The following GRIN2A variants were observed in gnomAD, a reference collection of about 807,000 sequenced individuals.
GRIN2A encodes the protein glutamate receptor ionotropic, NMDA 2A.
A neutral mutation model predicts 113.4 loss-of-function variants in GRIN2A; 22 were observed. That is an observed-to-expected ratio of 0.19 (90% CI 0.14 to 0.28). GRIN2A has a LOEUF of 0.28. Among genes scored for constraint, GRIN2A ranks in the 10% least tolerant of loss-of-function variants. GRIN2A has a pLI of 1.00. For missense variants in GRIN2A, 1,502 were observed against 1,887.0 expected (o/e 0.80, Z 3.78); for synonymous variants, 827 against 738.4 (o/e 1.12, Z -1.94).
intron 2 of GRIN2A, among the ~76,000 whole-genome samples, chr16:9,978,438 G>C (rs2045819235): frequency 6.6e-6 from 1 of 152,102 alleles, no homozygotes; most frequent in African/African-American, 2.4e-5. Context: ...AAGGTGGTTA[G>C]TACTTTGTCT....
intron 3 of GRIN2A, among the ~76,000 whole-genome samples, chr16:9,895,302 C>G (rs998994394): frequency 1.3e-5 from 2 of 152,174 alleles, no homozygotes; most frequent in African/African-American, 4.8e-5. Flanking sequence ...AGTTGAGCAG[C>G]TCTTGCTCAT....
chr16:10,136,803 T>C (rs893368420), intron 2 of GRIN2A, among the ~76,000 whole-genome samples: 1 of 152,222 alleles, frequency 6.6e-6, no homozygotes, highest in Non-Finnish European at 1.5e-5. Context: ...ATACAATGTT[T>C]CGTTTTATCA....
rs543770862 is a variant in GRIN2A, at chr16:10,164,776, CA to C, written c.414+15221del. ...ATTTACACAATGAGAAATATCAAAG[CA>C]GTTAAAATATGCAATACCTAGGGAA... On this transcript the variant is annotated intron_variant, in intron 2 of 12. Transcript: ENST00000330684. Among the ~76,000 whole-genome samples the C allele has an allele frequency of 1.1e-4, 17 of 152,250 alleles. No individual in the cohort carries two copies. In the East Asian group the frequency reaches 3.1e-3, roughly 28 times the overall value.
chr16:10,011,039 G>C (rs1376589761), intron 2 of GRIN2A, among the ~76,000 whole-genome samples: 1 of 152,118 alleles, frequency 6.6e-6, no homozygotes, highest in Non-Finnish European at 1.5e-5. Context: ...AAAGTTCCCA[G>C]CCACCAATGC....
chr16:10,147,359 A>C (rs1023031998), intron 2 of GRIN2A, among the ~76,000 whole-genome samples: 3 of 150,790 alleles, frequency 2.0e-5, no homozygotes, highest in Non-Finnish European at 2.9e-5. Context: ...CTGTAATCCC[A>C]GCACTTTGGG....
At chr16:9,860,460 A>AAAAG (rs139731748) in intron 4 of GRIN2A, among the ~76,000 whole-genome samples, 25,658 of 142,886 alleles carry the variant, frequency 0.18, 3,290 homozygotes, top group Non-Finnish European at 0.27. Context: ...AAAAAAAAAA[A>AAAAG]AAAAAAAAAA....
At chr16:9,907,752 C>A (rs117799129) in intron 3 of GRIN2A, among the ~76,000 whole-genome samples, 2,386 of 152,298 alleles carry the variant, frequency 0.016, 34 homozygotes, top group Non-Finnish European at 0.027. Context: ...AGAGAGTCCA[C>A]CTTTTCCCAA....
chr16:10,009,249 A>G (rs1344183794), intron 2 of GRIN2A, among the ~76,000 whole-genome samples: 1 of 152,248 alleles, frequency 6.6e-6, no homozygotes, highest in African/African-American at 2.4e-5. Flanking sequence ...CTAGACACAT[A>G]CAGATGCTGA....
Position 9,762,763 on chromosome 16 carries a change from T to C in GRIN2A, c.*386A>G, listed in dbSNP as rs1241746840. ...TGTATTAGAGAAACCATTAGGCATT[T>C]CTGATGAGAAAATTACATGGTGGGC... On this transcript the variant is annotated 3_prime_UTR_variant, in exon 13 of 13. Transcript: ENST00000330684. The C allele has an allele frequency of 5.1e-6, 2 of 393,060 alleles. No individual in the cohort carries two copies. Among genetic ancestry groups the C allele is most frequent in the Admixed American group, 8.3e-5 (2 of 23,986 alleles). The allele number at this position is 393,060 out of a possible 1,614,324, so 24.3% of individuals were successfully genotyped here. A position where few individuals can be genotyped will look rare whatever the true frequency, so the allele number is the denominator to read the frequency against.
chr16:10,109,772 C>T (rs1004474708), intron 2 of GRIN2A, among the ~76,000 whole-genome samples: 6 of 151,970 alleles, frequency 3.9e-5, no homozygotes, highest in African/African-American at 1.2e-4. Flanking sequence ...AGGATAAATG[C>T]TCAAGGGGAT....
chr16:9,838,255 A>G lies in GRIN2A; in HGVS notation c.1651+2392T>C, dbSNP rs1485282968. Among the ~76,000 whole-genome samples, 11 of 152,180 alleles carry G rather than the reference A, an allele frequency of 7.2e-5. 1 individual carries two copies. In the South Asian group the frequency reaches 1.2e-3, roughly 17 times the overall value. On this transcript the variant is annotated intron_variant, in intron 7 of 12. Coordinates refer to ENST00000330684, the MANE Select transcript of GRIN2A (RefSeq NM_001134407.3). ...CAGGGGGGAGATTTCTCAAACAACT[A>G]AAAGTAGATCTACCATTTGATCCAG...
rs1900796933 is a variant in GRIN2A at position 9,764,646 on chromosome 16, A to C, written c.2898T>G (p.Phe966Leu). ...FGDNMNELQTFVANRQKDNLN... is the reference protein window; with the variant it reads ...FGDNMNELQTLVANRQKDNLN... ...GGTTATCCTTCTGCCGGTTGGCCAC[A>C]AATGTTTGGAGTTCGTTCATGTTGT... Residue 966 changes from phenylalanine to leucine, a missense_variant, in exon 13 of 13, where the codon TTT becomes TTG. Physicochemically the swap from Phe to Leu is conservative, Grantham distance 22. This residue lies in a region of GRIN2A where 832 missense variants were observed against 789.7 expected (regional missense o/e 1.05). Transcript: ENST00000330684. 2 of 1,614,208 alleles carry C rather than the reference A, an allele frequency of 1.2e-6. No individual in the cohort carries two copies. The highest frequency in any genetic ancestry group is 4.5e-5 in the East Asian group (2 of 44,888).
At chr16:9,951,528 G>A (rs1452247013) in intron 2 of GRIN2A, among the ~76,000 whole-genome samples, 1 of 152,178 alleles carries the variant, frequency 6.6e-6, no homozygotes, top group Non-Finnish European at 1.5e-5. Context: ...ACTAAGCTGG[G>A]CAGCCTGTCC....
intron 2 of GRIN2A, among the ~76,000 whole-genome samples, chr16:10,125,760 G>C (rs2048921067): frequency 6.6e-6 from 1 of 152,102 alleles, no homozygotes; most frequent in Admixed American, 6.6e-5. Flanking sequence ...GTGGATGGAG[G>C]GTAGCTTCTT....
intron 2 of GRIN2A, among the ~76,000 whole-genome samples, chr16:9,939,863 A>C (rs2141638110): frequency 6.6e-6 from 1 of 152,302 alleles, no homozygotes; most frequent in South Asian, 2.1e-4. Flanking sequence ...AGAGCAAAAC[A>C]GGATTTGAGA....
intron 2 of GRIN2A, among the ~76,000 whole-genome samples, chr16:10,075,540 T>C (rs753315895): frequency 6.6e-6 from 1 of 152,122 alleles, no homozygotes; most frequent in Non-Finnish European, 1.5e-5. Flanking sequence ...TGCACAACAA[T>C]GTGAATGTAC....
chr16:9,851,227 C>T (rs562973890), intron 4 of GRIN2A, among the ~76,000 whole-genome samples: 1 of 152,136 alleles, frequency 6.6e-6, no homozygotes, highest in African/African-American at 2.4e-5. Flanking sequence ...TTTTTGCTGG[C>T]TATAAAGAAA....
At chr16:10,137,814 C>T (rs570219285) in intron 2 of GRIN2A, among the ~76,000 whole-genome samples, 1 of 152,270 alleles carries the variant, frequency 6.6e-6, no homozygotes, top group African/African-American at 2.4e-5. Flanking sequence ...AATGCAAGCC[C>T]GCATTATGAG....
At chr16:10,056,427 T>C (rs1688760840) in intron 2 of GRIN2A, among the ~76,000 whole-genome samples, 1 of 152,068 alleles carries the variant, frequency 6.6e-6, no homozygotes, top group Non-Finnish European at 1.5e-5. Flanking sequence ...CCCTTCCCAT[T>C]CTACACCTAC....
Sources: gnomAD v4.1 joint callset for allele counts (sites outside exome capture counted in the v4.1 genomes callset) on GRCh38, gnomAD v4.1.1 for gene constraint, gnomAD v4.1.1 regional missense constraint, MANE v1.5 for transcripts, NCBI Gene and HGNC (gene_info 2026-07-23, HGNC 2026-07-21) for gene names.